MINDY3: variants seen among roughly 807,000 people sequenced by gnomAD.
MINDY3 encodes ubiquitin carboxyl-terminal hydrolase MINDY-3.
In MINDY3, 38 loss-of-function variants were observed where a neutral mutation model predicts 69.2. The ratio of observed to expected loss-of-function variants is 0.55; its 90% CI spans 0.42 to 0.72. The LOEUF is 0.72. Ranked by LOEUF, MINDY3 falls within the 30% of genes least tolerant of loss-of-function variation. MINDY3 has a pLI of 0.00. For missense variants in MINDY3, 522 were observed against 519.0 expected (o/e 1.01, Z -0.06); for synonymous variants, 192 against 180.1 (o/e 1.07, Z -0.53).
chr10:15,831,677 T>TC (rs1840470791), intron 8 of MINDY3, among the ~76,000 whole-genome samples: 1 of 147,008 alleles, frequency 6.8e-6, no homozygotes, highest in African/African-American at 2.6e-5. Flanking sequence ...CCTTTTCTTT[T>TC]TTTTTTTTTT....
chr10:15,857,006 A>C (rs888381763), intron 1 of MINDY3, among the ~76,000 whole-genome samples: 2 of 152,180 alleles, frequency 1.3e-5, no homozygotes, highest in Non-Finnish European at 2.9e-5. Context: ...AAACTTGTCA[A>C]GTAGTATCTC....
rs576359814 is a variant in MINDY3 at position 15,778,986 on chromosome 10, G to C, written c.*6C>G. The C allele has an allele frequency of 6.2e-7, 1 of 1,610,980 alleles. No individual in the cohort carries two copies. The highest frequency in any genetic ancestry group is 2.2e-5 in the East Asian group (1 of 44,760). On this transcript the variant is annotated 3_prime_UTR_variant, in exon 15 of 15. Transcript: ENST00000277632. ...TTAAGATCTTCCTTATAAATACTTA[G>C]ACAAATTAATTTAGTGAAGGAGAGC...
chr10:15,783,403 C>G (rs1289216300), intron 13 of MINDY3, among the ~76,000 whole-genome samples: 4 of 152,200 alleles, frequency 2.6e-5, no homozygotes, highest in African/African-American at 4.8e-5. Context: ...TTTGGACAAG[C>G]ATGACTCATT....
intron 9 of MINDY3, among the ~76,000 whole-genome samples, chr10:15,820,803 G>C (rs146300064): frequency 3.3e-4 from 50 of 152,280 alleles, no homozygotes; most frequent in Non-Finnish European, 6.0e-4. Flanking sequence ...ATGGAACCCT[G>C]TTCTAAAATA....
intron 1 of MINDY3, among the ~76,000 whole-genome samples, chr10:15,848,633 C>CAAAAAAA (rs10719399): frequency 1.7e-3 from 82 of 48,796 alleles, no homozygotes; most frequent in East Asian, 3.4e-3. Flanking sequence ...GACTTCATCT[C>CAAAAAAA]AAAAAAAAAA....
At chr10:15,829,234 G>A (rs1396285482) in intron 8 of MINDY3, among the ~76,000 whole-genome samples, 4 of 152,152 alleles carry the variant, frequency 2.6e-5, no homozygotes, top group African/African-American at 9.7e-5. Context: ...ATTTTAATGG[G>A]GCCAGATGGA....
chr10:15,833,867 T>C (rs539078911), intron 7 of MINDY3, among the ~76,000 whole-genome samples, 158 bp from the exon 8 acceptor site: 1 of 152,216 alleles, frequency 6.6e-6, no homozygotes, highest in East Asian at 1.9e-4. Context: ...ATATTCGGCC[T>C]TGCTAAATGT....
chr10:15,780,636 C>T (rs1192483172), intron 14 of MINDY3, among the ~76,000 whole-genome samples: 1 of 152,190 alleles, frequency 6.6e-6, no homozygotes, highest in Admixed American at 6.5e-5. Flanking sequence ...TCCTTTCTAA[C>T]AGGACCTTGC....
At chr10:15,812,715 C>T (rs1839091552) in intron 10 of MINDY3, among the ~76,000 whole-genome samples, 1 of 152,196 alleles carries the variant, frequency 6.6e-6, no homozygotes, top group Admixed American at 6.5e-5. Context: ...AGAGGTACCT[C>T]TTATTTCCCC....
At chr10:15,825,009 C>T (rs1839997688) in intron 8 of MINDY3, among the ~76,000 whole-genome samples, 1 of 152,172 alleles carries the variant, frequency 6.6e-6, no homozygotes, top group Non-Finnish European at 1.5e-5. Context: ...AGTTGTAATA[C>T]AGTGAGGATT....
At chr10:15,849,680 C>A (rs752572015) in intron 1 of MINDY3, among the ~76,000 whole-genome samples, 5 of 152,118 alleles carry the variant, frequency 3.3e-5, no homozygotes, top group Non-Finnish European at 7.4e-5. Flanking sequence ...TAGTTTGAGA[C>A]ACCAGGTGAG....
In MINDY3 at chr10:15,837,294, T is replaced by C. The variant is rs1346836429; in HGVS notation, c.486A>G (p.Pro162=). 23 of 1,605,262 alleles carry C rather than the reference T, an allele frequency of 1.4e-5. No homozygotes were observed. Among genetic ancestry groups the C allele is most frequent in the Non-Finnish European group, 2.0e-5 (23 of 1,175,818 alleles). The change falls in exon 6 of 15, where the codon CCA becomes CCG. Residue 162 remains proline, a synonymous_variant. Coordinates refer to ENST00000277632, the MANE Select transcript of MINDY3 (RefSeq NM_024948.4). ...LIQKRSFRSL[P]ELKDAVLDQY... is the part of the protein sequence containing the mutation. Reference sequence around the variant, plus strand: ...GGTCCAAGACAGCATCTTTTAATTCTGGTAAACTTCTGAACGATCTTTTTC... The same window carrying C: ...GGTCCAAGACAGCATCTTTTAATTCCGGTAAACTTCTGAACGATCTTTTTC...
rs1189026009 is a variant in MINDY3 at position 15,783,635 on chromosome 10, C to T, written c.1117-1409G>A. Among the ~76,000 whole-genome samples the T allele has an allele frequency of 2.6e-5, 4 of 152,226 alleles. No individual in the cohort carries two copies. In the East Asian group the frequency reaches 5.8e-4, roughly 22 times the overall value. ...TTTGAGAAGGAATCATATAGTACTA[C>T]TTTGTATCATCTCTTCTATTATTTT... On this transcript the variant is annotated intron_variant, in intron 13 of 14. Transcript: ENST00000277632.
intron 10 of MINDY3, among the ~76,000 whole-genome samples, chr10:15,806,493 A>G (rs1838649760): frequency 6.6e-6 from 1 of 152,114 alleles, no homozygotes; most frequent in African/African-American, 2.4e-5. Flanking sequence ...CATGATTACA[A>G]ATTAGTCACA....
intron 5 of MINDY3, chr10:15,837,778 C>A: frequency 9.7e-7 from 1 of 1,031,164 alleles, no homozygotes. Flanking sequence ...CAAATGCCAC[C>A]CATAATTCTA....
At chr10:15,833,464 A>C (rs1197799623) in intron 8 of MINDY3, among the ~76,000 whole-genome samples, 166 bp downstream of exon 8, 1 of 152,204 alleles carries the variant, frequency 6.6e-6, no homozygotes, top group East Asian at 1.9e-4. Context: ...CTCCAAGATT[A>C]ATGGTCTTAA....
At chr10:15,795,120 G>GAATATGGGT (rs1350591926) in intron 11 of MINDY3, among the ~76,000 whole-genome samples, 1 of 151,992 alleles carries the variant, frequency 6.6e-6, no homozygotes, top group Non-Finnish European at 1.5e-5. Flanking sequence ...ACTGGGTTAA[G>GAATATGGGT]AATATGACTA....
chr10:15,843,724 C>G (rs910062817), intron 2 of MINDY3, among the ~76,000 whole-genome samples: 1 of 152,088 alleles, frequency 6.6e-6, no homozygotes, highest in Non-Finnish European at 1.5e-5. Flanking sequence ...AGAGTCATCA[C>G]TTTATTATCA....
At chr10:15,780,592 A>G (rs967985444) in intron 14 of MINDY3, among the ~76,000 whole-genome samples, 2 of 152,190 alleles carry the variant, frequency 1.3e-5, no homozygotes, top group African/African-American at 2.4e-5. Flanking sequence ...CTCAGACTCC[A>G]TCTCACTTTG....
Sources: allele counts gnomAD v4.1 joint callset (sites outside exome capture counted in the v4.1 genomes callset), GRCh38; gene constraint gnomAD v4.1.1; transcripts MANE v1.5; gene names NCBI Gene and HGNC (gene_info 2026-07-23, HGNC 2026-07-21).